NAALADL2: variants seen among roughly 807,000 people sequenced by gnomAD.
NAALADL2 encodes the protein inactive N-acetylated-alpha-linked acidic dipeptidase-like protein 2.
In NAALADL2, 76 loss-of-function variants were observed where a neutral mutation model predicts 87.2. The observed-to-expected ratio is 0.87, with a 90% confidence interval of 0.72 to 1.05. The LOEUF (loss-of-function observed/expected upper bound fraction) is 1.05. NAALADL2 is among the 50% of genes least tolerant of loss of function. The probability of loss-of-function intolerance (pLI) is 0.00; values close to 1 mark genes in which losing one functional copy is unlikely to be tolerated. For missense variants in NAALADL2, 1,089 were observed against 945.8 expected (o/e 1.15, Z -1.99); for synonymous variants, 354 against 331.0 (o/e 1.07, Z -0.75).
chr3:174,702,887 G>C (rs1286848373), intron 2 of NAALADL2, among the ~76,000 whole-genome samples: 1 of 152,120 alleles, frequency 6.6e-6, no homozygotes, highest in East Asian at 1.9e-4. Context: ...GATTTATGTG[G>C]ATGCTTCCTA....
At chr3:175,512,862 G>A (rs1273649324) in intron 9 of NAALADL2, among the ~76,000 whole-genome samples, 1 of 152,166 alleles carries the variant, frequency 6.6e-6, no homozygotes, top group Non-Finnish European at 1.5e-5. Context: ...TGTTTCCTTG[G>A]ATCAGCAGCC....
chr3:174,749,910 C>A (rs1181220556), intron 3 of NAALADL2, among the ~76,000 whole-genome samples: 4 of 152,218 alleles, frequency 2.6e-5, no homozygotes, highest in Non-Finnish European at 4.4e-5. Context: ...TTCTCTAAAC[C>A]CCTTTTCCAG....
chr3:175,234,253 A>C, intron 3 of NAALADL2, 49 bp downstream of exon 3: 1 of 1,562,948 alleles, frequency 6.4e-7, no homozygotes, highest in Middle Eastern at 1.7e-4. Flanking sequence ...GGAATTAGAA[A>C]ATAACAGCTT....
At chr3:175,754,281 A>T (rs1371321464) in intron 12 of NAALADL2, among the ~76,000 whole-genome samples, 1 of 152,196 alleles carries the variant, frequency 6.6e-6, no homozygotes, top group Non-Finnish European at 1.5e-5. Context: ...ATAGATACTA[A>T]GTGGTAGCGC....
intron 1 of NAALADL2, among the ~76,000 whole-genome samples, chr3:174,875,824 G>A (rs1186927481): frequency 6.6e-6 from 1 of 151,904 alleles, no homozygotes; most frequent in Non-Finnish European, 1.5e-5. Context: ...AATGTTATTT[G>A]CCTATTTTTC....
At chr3:174,964,460 T>A (rs923321331) in intron 1 of NAALADL2, among the ~76,000 whole-genome samples, 1 of 152,076 alleles carries the variant, frequency 6.6e-6, no homozygotes, top group Non-Finnish European at 1.5e-5. Flanking sequence ...TGATATTGGA[T>A]AAAATCACCT....
chr3:175,510,246 A>T (rs1030753374), intron 9 of NAALADL2, among the ~76,000 whole-genome samples: 4 of 152,122 alleles, frequency 2.6e-5, no homozygotes, highest in Non-Finnish European at 4.4e-5. Flanking sequence ...CACTCACTGT[A>T]TGGGGGAAAC....
intron 2 of NAALADL2, among the ~76,000 whole-genome samples, chr3:175,154,084 A>G (rs1700758594): frequency 6.6e-6 from 1 of 152,002 alleles, no homozygotes; most frequent in African/African-American, 2.4e-5. Flanking sequence ...ACTCAAAGTG[A>G]CTCCTTCTTT....
intron 11 of NAALADL2, among the ~76,000 whole-genome samples, chr3:175,665,941 A>G (rs995794983): frequency 1.3e-5 from 2 of 152,100 alleles, no homozygotes; most frequent in African/African-American, 2.4e-5. Flanking sequence ...CCCCCAAAAA[A>G]AAGGTTTTAT....
intron 5 of NAALADL2, among the ~76,000 whole-genome samples, chr3:175,347,895 C>T (rs1763319869): frequency 6.6e-6 from 1 of 152,084 alleles, no homozygotes; most frequent in Admixed American, 6.6e-5. Flanking sequence ...AGCCGTGCAA[C>T]CTCCAACAGG....
intron 13 of NAALADL2, among the ~76,000 whole-genome samples, chr3:175,764,853 A>G (rs1748489901): frequency 6.6e-6 from 1 of 152,084 alleles, no homozygotes; most frequent in Non-Finnish European, 1.5e-5. Context: ...AATAACAATG[A>G]TCTCATTATA....
At chr3:174,575,143 A>G (rs1193202680) in intron 2 of NAALADL2, among the ~76,000 whole-genome samples, 1 of 152,138 alleles carries the variant, frequency 6.6e-6, no homozygotes, top group Non-Finnish European at 1.5e-5. Context: ...AAAAAAATTT[A>G]AATAATTTGG....
At chr3:175,614,273 G>A (rs368101510) in intron 10 of NAALADL2, among the ~76,000 whole-genome samples, 6 of 152,226 alleles carry the variant, frequency 3.9e-5, no homozygotes, top group South Asian at 2.1e-4. Context: ...GGCTGGTCTC[G>A]AACTCTTGAA....
rs541777378 is a variant in NAALADL2 at position 175,753,346 on chromosome 3, A to C, written c.1991-1874A>C. On this transcript the variant is annotated intron_variant, in intron 12 of 13. Transcript: ENST00000454872. ...ACCTATGAATCTCTTTGTAGCCCTT[A>C]TAAAACTACTTATCTCTTTACATAA... Among the ~76,000 whole-genome samples the C allele has an allele frequency of 5.9e-5, 9 of 152,302 alleles. No homozygotes were observed. In the South Asian group the frequency reaches 6.2e-4, roughly 11 times the overall value.
At chr3:175,082,055 T>G (rs1405307687) in intron 1 of NAALADL2, among the ~76,000 whole-genome samples, 3 of 151,960 alleles carry the variant, frequency 2.0e-5, no homozygotes, top group African/African-American at 7.3e-5. Flanking sequence ...TGTATGTGTG[T>G]GTGTGTGTAT....
At chr3:175,254,519 A>C (rs927278800) in intron 3 of NAALADL2, among the ~76,000 whole-genome samples, 2 of 152,196 alleles carry the variant, frequency 1.3e-5, no homozygotes, top group African/African-American at 4.8e-5. Context: ...GCCTGTATAC[A>C]CAATCTGATC....
intron 9 of NAALADL2, among the ~76,000 whole-genome samples, chr3:175,485,786 C>T (rs138685264): frequency 7.9e-5 from 12 of 152,278 alleles, no homozygotes; most frequent in African/African-American, 2.4e-4. Flanking sequence ...CCTTTGGCAA[C>T]ACCCTCACAG....
At chr3:174,483,241 G>A (rs1717665948) in intron 1 of NAALADL2, among the ~76,000 whole-genome samples, 1 of 152,028 alleles carries the variant, frequency 6.6e-6, no homozygotes, top group Non-Finnish European at 1.5e-5. Context: ...AAGGAAAGAG[G>A]CTTAATTGAC....
At chr3:175,305,124 A>G (rs1213166885) in intron 4 of NAALADL2, among the ~76,000 whole-genome samples, 6 of 152,136 alleles carry the variant, frequency 3.9e-5, no homozygotes, top group African/African-American at 1.4e-4. Context: ...CTAATTGGAT[A>G]TGTTAAATAG....
Sources: gnomAD v4.1 joint callset for allele counts (sites outside exome capture counted in the v4.1 genomes callset) on GRCh38, gnomAD v4.1.1 for gene constraint, MANE v1.5 for transcripts, NCBI Gene and HGNC (gene_info 2026-07-23, HGNC 2026-07-21) for gene names.